Variants in TMC1 observed in about 807,000 individuals in gnomAD.
TMC1 encodes transmembrane channel like 1, also known as transmembrane channel-like protein 1.
A neutral mutation model predicts 105.8 loss-of-function variants in TMC1; 84 were observed. The observed-to-expected ratio is 0.79, with a 90% CI of 0.67 to 0.95. TMC1 has a LOEUF of 0.95. Among genes scored for constraint, TMC1 ranks in the 40% least tolerant of loss-of-function variants. The pLI is 0.00. For missense variants in TMC1, 817 were observed against 914.1 expected (o/e 0.89, Z 1.37); for synonymous variants, 315 against 311.5 (o/e 1.01, Z -0.12).
intron 17 of TMC1, among the ~76,000 whole-genome samples, chr9:72,803,869 A>G (rs1337521308): frequency 1.3e-5 from 2 of 152,302 alleles, no homozygotes; most frequent in East Asian, 1.9e-4. Context: ...TGACCCAGCA[A>G]TCCCATTACT....
At chr9:72,558,705 C>T (rs904750814) in intron 1 of TMC1, among the ~76,000 whole-genome samples, 1 of 152,118 alleles carries the variant, frequency 6.6e-6, no homozygotes, top group East Asian at 1.9e-4. Context: ...CTTTTACATG[C>T]TTGTCAGGAG....
intron 5 of TMC1, among the ~76,000 whole-genome samples, chr9:72,676,854 G>A (rs984986275): frequency 1.3e-5 from 2 of 152,090 alleles, no homozygotes; most frequent in East Asian, 1.9e-4. Flanking sequence ...GTATTGAAAC[G>A]TGTGTTTATG....
At chr9:72,798,694 G>C (rs1828415429) in intron 17 of TMC1, among the ~76,000 whole-genome samples, 2 of 152,052 alleles carry the variant, frequency 1.3e-5, no homozygotes, top group South Asian at 4.1e-4. Flanking sequence ...AGGGTGGAGG[G>C]TGAGAGGAGG....
intron 5 of TMC1, among the ~76,000 whole-genome samples, chr9:72,685,268 G>A (rs745487267): frequency 6.1e-5 from 9 of 148,684 alleles, no homozygotes; most frequent in Non-Finnish European, 1.2e-4. Flanking sequence ...CACCACACCC[G>A]GATAATTTTT....
intron 2 of TMC1, among the ~76,000 whole-genome samples, chr9:72,591,623 T>C (rs1435191756): frequency 1.3e-5 from 2 of 152,206 alleles, no homozygotes; most frequent in Admixed American, 6.5e-5. Context: ...TGCAGTGGTA[T>C]AATCATAGCT....
Position 72,648,648 on chromosome 9 carries a change from G to C in TMC1, c.-1G>C. On this transcript the variant is annotated 5_prime_UTR_variant, in exon 5 of 24. Transcript: ENST00000297784. ...AGACCTTCTGACAGGACACCCCCAG[G>C]ATGTCACCCAAAAAAGGTATTTACA... 6.2e-7 allele frequency: 1 copy of C among 1,613,318 alleles called. No homozygotes were observed. The highest frequency in any genetic ancestry group is 8.5e-7 in the Non-Finnish European group (1 of 1,179,390).
intron 4 of TMC1, among the ~76,000 whole-genome samples, chr9:72,635,158 C>G (rs1216128798): frequency 6.6e-6 from 1 of 151,362 alleles, no homozygotes; most frequent in Non-Finnish European, 1.5e-5. Flanking sequence ...GAGACTGAGG[C>G]AGGAGAATTG....
At chr9:72,679,181 C>T (rs148088431) in intron 5 of TMC1, among the ~76,000 whole-genome samples, 40 of 152,076 alleles carry the variant, frequency 2.6e-4, no homozygotes, top group African/African-American at 7.7e-4. Context: ...ATATTTACAC[C>T]GATCTTTTTA....
intron 8 of TMC1, among the ~76,000 whole-genome samples, chr9:72,716,328 A>C (rs570760986): frequency 6.6e-5 from 10 of 152,192 alleles, no homozygotes; most frequent in Non-Finnish European, 1.2e-4. Context: ...GCTGCCACAC[A>C]GGGCTGTTTA....
At chr9:72,680,126 G>A (rs1301195908) in intron 5 of TMC1, among the ~76,000 whole-genome samples, 4 of 152,034 alleles carry the variant, frequency 2.6e-5, no homozygotes, top group Non-Finnish European at 4.4e-5. Flanking sequence ...AGATAGAGAT[G>A]GCTGAAGTGC....
Position 72,821,027 on chromosome 9 carries a change from C to T in TMC1, c.1949C>T (p.Pro650Leu). 1.2e-6 allele frequency: 2 copies of T among 1,614,160 alleles called. No homozygotes were observed. The highest frequency in any genetic ancestry group is 1.7e-6 in the Non-Finnish European group (2 of 1,180,022). Residue 650 changes from proline (P) to leucine (L), a missense_variant, in exon 20 of 24, where the codon CCT becomes CTT. Coordinates refer to ENST00000297784, the MANE Select transcript of TMC1 (RefSeq NM_138691.3). Reference protein sequence around the residue: ...LLLILFLSTMPVLYMIVSLPP... With the variant: ...LLLILFLSTMLVLYMIVSLPP... ...CTCATCCTCTTCCTGTCCACAATGCCTGTCTTGTACATGATCGTGTCCCTC... is the reference window on the plus strand; with the variant it reads ...CTCATCCTCTTCCTGTCCACAATGCTTGTCTTGTACATGATCGTGTCCCTC...
intron 4 of TMC1, among the ~76,000 whole-genome samples, chr9:72,643,427 C>A (rs942362307): frequency 3.9e-5 from 6 of 152,182 alleles, no homozygotes; most frequent in African/African-American, 1.4e-4. Flanking sequence ...AAACCATCAA[C>A]ACTTTCAAGG....
chr9:72,647,246 AT>A (rs1564466129), intron 4 of TMC1, among the ~76,000 whole-genome samples: 6 of 151,360 alleles, frequency 4.0e-5, no homozygotes, highest in South Asian at 4.2e-4. Context: ...ATGAATAGAA[AT>A]TTTTTTATTT....
At chr9:72,640,079 C>T (rs1226460625) in intron 4 of TMC1, among the ~76,000 whole-genome samples, 1 of 151,888 alleles carries the variant, frequency 6.6e-6, no homozygotes, top group East Asian at 1.9e-4. Flanking sequence ...AACACAGTGC[C>T]CAGCACAGAA....
intron 3 of TMC1, among the ~76,000 whole-genome samples, chr9:72,627,537 G>C (rs897707208): frequency 3.3e-5 from 5 of 152,176 alleles, no homozygotes; most frequent in Non-Finnish European, 7.3e-5. Flanking sequence ...TTACTTGCTT[G>C]TGGTTTCCTT....
Position 72,738,774 on chromosome 9 carries a change from A to G in TMC1, c.363-1345A>G, listed in dbSNP as rs1250144193. Among the ~76,000 whole-genome samples the G allele has an allele frequency of 2.0e-5, 3 of 152,076 alleles. No homozygotes were observed. In the East Asian group the frequency reaches 5.8e-4, roughly 29 times the overall value. On this transcript the variant is annotated intron_variant, in intron 8 of 23. Transcript: ENST00000297784. ...TGTTAATAGGAGTTTAATTATAGTCATATGTTGAAGGGTCTTTTCTGTAAA... is the reference window on the plus strand; with the variant it reads ...TGTTAATAGGAGTTTAATTATAGTCGTATGTTGAAGGGTCTTTTCTGTAAA...
chr9:72,561,995 A>G (rs1054022986), intron 1 of TMC1, among the ~76,000 whole-genome samples: 1 of 146,716 alleles, frequency 6.8e-6, no homozygotes, highest in Non-Finnish European at 1.5e-5. Flanking sequence ...GCAACAGAAC[A>G]AGATCCTATC....
At chr9:72,763,305 G>T (rs1277918010) in intron 12 of TMC1, among the ~76,000 whole-genome samples, 8 of 152,054 alleles carry the variant, frequency 5.3e-5, no homozygotes, top group Admixed American at 5.2e-4. Context: ...CATTTGTTGG[G>T]CATTTGCCAG....
intron 12 of TMC1, among the ~76,000 whole-genome samples, chr9:72,758,728 T>C (rs972577968): frequency 2.0e-5 from 3 of 152,216 alleles, no homozygotes; most frequent in African/African-American, 7.2e-5. Flanking sequence ...AGGACCTGTA[T>C]GTGTTACCTC....
Sources: allele counts gnomAD v4.1 joint callset (sites outside exome capture counted in the v4.1 genomes callset), GRCh38; gene constraint gnomAD v4.1.1; transcripts MANE v1.5; gene names NCBI Gene and HGNC (gene_info 2026-07-23, HGNC 2026-07-21).